MPPED1: variants seen among roughly 807,000 people sequenced by gnomAD.
MPPED1 encodes metallophosphoesterase domain-containing protein 1.
MPPED1 carries 16 observed loss-of-function variants against 36.2 expected under a neutral mutation model. The observed-to-expected ratio is 0.44, with a 90% confidence interval of 0.30 to 0.67. The LOEUF (loss-of-function observed/expected upper bound fraction) is 0.67. MPPED1 is among the 30% of genes least tolerant of loss of function. The pLI is 0.10. For missense variants in MPPED1, 307 were observed against 453.4 expected, an observed-to-expected ratio of 0.68 and a Z score of 2.93; for synonymous variants, 199 against 191.3, an observed-to-expected ratio of 1.04 and a Z score of -0.33.
chr22:43,412,574 G>A (rs1024107355), intron 1 of MPPED1, among the ~76,000 whole-genome samples: 1 of 152,160 alleles, frequency 6.6e-6, no homozygotes, highest in South Asian at 2.1e-4. Context: ...ACTTGGGGGG[G>A]AAGAGATAGG....
chr22:43,495,489 A>AGAT (rs1932254655), intron 4 of MPPED1, among the ~76,000 whole-genome samples: 2 of 10,480 alleles, frequency 1.9e-4, no homozygotes, highest in African/African-American at 1.8e-3. Context: ...GTGGTGGTGG[A>AGAT]GGTAGTGGTG....
chr22:43,417,616 T>G (rs2146810757), intron 1 of MPPED1: 1 of 156,962 alleles, frequency 6.4e-6, no homozygotes, highest in Non-Finnish European at 1.4e-5. Context: ...CACACCTTGG[T>G]ACTTTTCTGT....
chr22:43,432,303 AAG>A (rs1195789716), intron 2 of MPPED1, among the ~76,000 whole-genome samples: 69 of 107,364 alleles, frequency 6.4e-4, no homozygotes, highest in African/African-American at 1.6e-3. Flanking sequence ...GAGAGAGGGA[AAG>A]AGAGAGAGAG....
chr22:43,485,311 C>T (rs371094347), intron 4 of MPPED1, among the ~76,000 whole-genome samples: 1 of 152,064 alleles, frequency 6.6e-6, no homozygotes, highest in African/African-American at 2.4e-5. Context: ...CAACCACACA[C>T]ATATTCATAG....
intron 3 of MPPED1, among the ~76,000 whole-genome samples, chr22:43,445,777 C>T (rs1930318544): frequency 6.6e-6 from 1 of 151,706 alleles, no homozygotes; most frequent in South Asian, 2.1e-4. Context: ...ACCATTTTGC[C>T]CAGGCTGGTC....
chr22:43,470,710 T>C (rs1415216238), intron 3 of MPPED1, among the ~76,000 whole-genome samples: 1 of 152,236 alleles, frequency 6.6e-6, no homozygotes, highest in Non-Finnish European at 1.5e-5. Flanking sequence ...ATTTTGCTAT[T>C]GATTTGTCTC....
chr22:43,470,673 G>T (rs1284889018), intron 3 of MPPED1, among the ~76,000 whole-genome samples: 1 of 152,190 alleles, frequency 6.6e-6, no homozygotes, highest in Non-Finnish European at 1.5e-5. Context: ...TCTACCAAAT[G>T]TCCATTGTCC....
At chr22:43,417,150 C>G (rs1929103200) in intron 1 of MPPED1, 1 of 397,120 alleles carries the variant, frequency 2.5e-6, no homozygotes, top group African/African-American at 2.2e-5. Context: ...CAAAATGGGC[C>G]CAGCTAAAAG....
chr22:43,484,549 T>C (rs981283511), intron 4 of MPPED1, among the ~76,000 whole-genome samples: 4 of 152,224 alleles, frequency 2.6e-5, no homozygotes, highest in Non-Finnish European at 5.9e-5. Flanking sequence ...TCCTGAGCAC[T>C]GGGTCCTGCA....
chr22:43,448,307 T>C (rs1312033547), intron 3 of MPPED1, among the ~76,000 whole-genome samples: 1 of 152,228 alleles, frequency 6.6e-6, no homozygotes, highest in Non-Finnish European at 1.5e-5. Context: ...CATGTGGGTA[T>C]GGAGCACTCA....
chr22:43,490,129 A>G (rs565763266), intron 4 of MPPED1, among the ~76,000 whole-genome samples: 1 of 152,304 alleles, frequency 6.6e-6, no homozygotes, highest in South Asian at 2.1e-4. Context: ...CAGTAGAGGA[A>G]AACAAGGCAG....
chr22:43,500,220 ATGG>A (rs1932649541), intron 5 of MPPED1, among the ~76,000 whole-genome samples: 2 of 17,756 alleles, frequency 1.1e-4, no homozygotes, highest in Non-Finnish European at 1.3e-4. Context: ...GGTGGGGGTG[ATGG>A]TGGAGGTGGT....
Position 43,424,950 on chromosome 22 carries a change from A to C in MPPED1, c.-36A>C. On this transcript the variant is annotated 5_prime_UTR_variant, in exon 2 of 7. Transcript: ENST00000443721. ...CGGGGGGCCGGGCTGCGGTGGCGGC[A>C]GCGGTGGGAGATGCCGGGGCGGCCG... is the stretch of plus-strand genomic sequence containing the variant. 6.5e-7 allele frequency: 1 copy of C among 1,549,886 alleles called. No homozygotes were observed.
chr22:43,413,393 A>T (rs56342690), intron 1 of MPPED1, among the ~76,000 whole-genome samples: 11,594 of 151,280 alleles, frequency 0.077, 832 homozygotes, highest in African/African-American at 0.19. Context: ...AAAAAAAAAA[A>T]AATTAAACCA....
chr22:43,489,844 G>C (rs1157605403), intron 4 of MPPED1, among the ~76,000 whole-genome samples: 1 of 152,152 alleles, frequency 6.6e-6, no homozygotes, highest in African/African-American at 2.4e-5. Flanking sequence ...TCTAATAAAA[G>C]CTGGAACATC....
In MPPED1 at chr22:43,441,530, G is replaced by A. The variant is rs555992565; in HGVS notation, c.406+6315G>A. 4.6e-5 allele frequency among the ~76,000 whole-genome samples: 7 copies of A among 152,274 alleles called. No homozygotes were observed. The South Asian group carries it at 6.2e-4, about 14-fold the overall frequency. ...GCCCAGGGGTGTTTGTTGTAAAAGC[G>A]TGGTCTGTAAAGCACATGATGGGCC... On this transcript the variant is annotated intron_variant, in intron 3 of 6. Coordinates refer to ENST00000443721, the MANE Select transcript of MPPED1 (RefSeq NM_001044370.2).
At chr22:43,475,494 GTGGTGATGATCATCATGA>G (rs1931520242) in intron 4 of MPPED1, among the ~76,000 whole-genome samples, 8 of 143,460 alleles carry the variant, frequency 5.6e-5, no homozygotes, top group African/African-American at 7.9e-5. Flanking sequence ...GGTGATGATG[GTGGTGATGATCATCATGA>G]TGATGGTTGT....
intron 3 of MPPED1, among the ~76,000 whole-genome samples, chr22:43,442,903 G>C (rs1569071401): frequency 6.6e-6 from 1 of 152,182 alleles, no homozygotes; most frequent in Non-Finnish European, 1.5e-5. Context: ...CTCCCGCGGG[G>C]CTGTGACTGC....
intron 3 of MPPED1, among the ~76,000 whole-genome samples, chr22:43,444,354 TTCTA>T (rs1187402543): frequency 7.0e-4 from 104 of 148,164 alleles, no homozygotes; most frequent in East Asian, 2.7e-3. Context: ...GTTTTTTTCT[TTCTA>T]TCTATCTTTT....
Sources: gnomAD v4.1 joint callset for allele counts (sites outside exome capture counted in the v4.1 genomes callset) on GRCh38, gnomAD v4.1.1 for gene constraint, MANE v1.5 for transcripts, NCBI Gene and HGNC (gene_info 2026-07-23, HGNC 2026-07-21) for gene names.